CHN2: variants seen among roughly 807,000 people sequenced by gnomAD.
CHN2 encodes chimerin 2.
In CHN2, 35 loss-of-function variants were observed where a neutral mutation model predicts 56.3. The observed-to-expected ratio is 0.62, with a 90% CI of 0.47 to 0.82. The LOEUF is 0.82. Ranked by LOEUF, CHN2 falls within the 40% of genes least tolerant of loss-of-function variation. The pLI, the probability that CHN2 is intolerant of heterozygous loss-of-function variation, is 0.00. For missense variants in CHN2, 491 were observed against 580.5 expected, an observed-to-expected ratio of 0.85 and a Z score of 1.58; for synonymous variants, 210 against 212.8, an observed-to-expected ratio of 0.99 and a Z score of 0.12.
chr7:29,318,712 A>G (rs1795132451), intron 1 of CHN2, among the ~76,000 whole-genome samples: 1 of 152,156 alleles, frequency 6.6e-6, no homozygotes, highest in Non-Finnish European at 1.5e-5. Context: ...AACTTGTACT[A>G]GTTCAGTGAA....
At chr7:29,308,532 C>T (rs1315206520) in intron 1 of CHN2, among the ~76,000 whole-genome samples, 1 of 152,138 alleles carries the variant, frequency 6.6e-6, no homozygotes, top group Non-Finnish European at 1.5e-5. Flanking sequence ...ACCAACCATT[C>T]CAGCTTGTGA....
intron 1 of CHN2, among the ~76,000 whole-genome samples, chr7:29,255,361 GT>G (rs1938808717): frequency 6.6e-6 from 1 of 152,168 alleles, no homozygotes; most frequent in African/African-American, 2.4e-5. Context: ...CCTGGCCCAT[GT>G]GACCCCCAGC....
chr7:29,228,884 C>T (rs965438510), intron 1 of CHN2, among the ~76,000 whole-genome samples: 3 of 152,240 alleles, frequency 2.0e-5, no homozygotes, highest in Non-Finnish European at 2.9e-5. Flanking sequence ...TGGCGCTGCA[C>T]CGCCCTCCTT....
chr7:29,404,658 G>A (rs1397967276), intron 6 of CHN2, among the ~76,000 whole-genome samples: 1 of 152,164 alleles, frequency 6.6e-6, no homozygotes, highest in African/African-American at 2.4e-5. Flanking sequence ...GCAGTGTGGT[G>A]TGTGGAGTAT....
intron 1 of CHN2, among the ~76,000 whole-genome samples, chr7:29,325,549 C>G (rs1001274175): frequency 6.6e-6 from 1 of 152,170 alleles, no homozygotes; most frequent in Admixed American, 6.5e-5. Flanking sequence ...AAAGTTCTTT[C>G]AAATGTTACT....
At chr7:29,401,299 C>A (rs976877702) in intron 6 of CHN2, 1 of 155,492 alleles carries the variant, frequency 6.4e-6, no homozygotes, top group East Asian at 1.9e-4. Context: ...GGTCAGCCCC[C>A]TCATTTTACA....
chr7:29,378,693 C>A (rs1446201603), intron 3 of CHN2, among the ~76,000 whole-genome samples: 1 of 152,194 alleles, frequency 6.6e-6, no homozygotes, highest in East Asian at 1.9e-4. Flanking sequence ...AGGCCACGCG[C>A]GGTGGCTCAT....
intron 3 of CHN2, among the ~76,000 whole-genome samples, chr7:29,386,052 T>C (rs1488133370): frequency 6.6e-6 from 1 of 152,134 alleles, no homozygotes; most frequent in East Asian, 1.9e-4. Context: ...CAGGAAGGAA[T>C]TCACCTCATC....
At chr7:29,485,965 G>GGCCC (rs906962484) in intron 7 of CHN2, among the ~76,000 whole-genome samples, 1 of 152,094 alleles carries the variant, frequency 6.6e-6, no homozygotes. Flanking sequence ...GGAGAGCAGA[G>GGCCC]GCCCAGAAAG....
At chr7:29,205,753 C>A (rs1407807685) in intron 1 of CHN2, among the ~76,000 whole-genome samples, 1 of 152,120 alleles carries the variant, frequency 6.6e-6, no homozygotes, top group African/African-American at 2.4e-5. Flanking sequence ...TTTAAATTAG[C>A]TCAGTCAATC....
chr7:29,365,193 C>T (rs957301338), intron 2 of CHN2, among the ~76,000 whole-genome samples: 1 of 152,168 alleles, frequency 6.6e-6, no homozygotes, highest in Non-Finnish European at 1.5e-5. Flanking sequence ...CCCTGCCAGC[C>T]CTGTACTTAC....
chr7:29,315,030 G>C (rs1016339877), intron 1 of CHN2, among the ~76,000 whole-genome samples: 1 of 152,032 alleles, frequency 6.6e-6, no homozygotes, highest in Non-Finnish European at 1.5e-5. Flanking sequence ...TAACCTTACT[G>C]TAATTTAGTA....
At chr7:29,191,645 A>G (rs935304659), upstream of CHN2, 13 of 152,264 alleles carry the variant, frequency 8.5e-5, no homozygotes, top group Non-Finnish European at 1.3e-4. Flanking sequence ...CGTTTATCCC[A>G]TAAGTCTTTT....
rs75186325 is a variant in CHN2, at chr7:29,291,261, A to G, written c.50-63364A>G. On this transcript the variant is annotated intron_variant, in intron 1 of 12. Transcript: ENST00000222792. ...TGAGAAGCAGCTGATCACCAGTTTC[A>G]GGTGTTTTCTATCTATTGGGAGCCA... Among the ~76,000 whole-genome samples, 5 of 152,120 alleles carry G rather than the reference A, an allele frequency of 3.3e-5. No homozygotes were observed. In the East Asian group the frequency reaches 7.7e-4, roughly 24 times the overall value.
At chr7:29,410,134 T>A (rs1373326489) in intron 6 of CHN2, among the ~76,000 whole-genome samples, 1 of 152,232 alleles carries the variant, frequency 6.6e-6, no homozygotes, top group Admixed American at 6.5e-5. Context: ...GTTTTTAATT[T>A]CATCGAGGCT....
chr7:29,245,048 C>G (rs1007634159), intron 1 of CHN2, among the ~76,000 whole-genome samples: 1 of 152,164 alleles, frequency 6.6e-6, no homozygotes, highest in African/African-American at 2.4e-5. Context: ...TTTCCTGTAT[C>G]GATTTCTTCA....
At chr7:29,496,068 T>G in intron 8 of CHN2, 32 bp downstream of exon 8, 1 of 1,547,352 alleles carries the variant, frequency 6.5e-7, no homozygotes, top group Non-Finnish European at 8.9e-7. Flanking sequence ...TTTCCAATTA[T>G]ATGAAATGCC....
At chr7:29,184,293 G>A (rs1476470882) in intron 2 of CHN2, 1 of 150,676 alleles carries the variant, frequency 6.6e-6, no homozygotes, top group African/African-American at 2.4e-5. Flanking sequence ...TATATATTTA[G>A]GAATATTATA....
At chr7:29,163,746 A>G (rs1421691750) in intron 2 of CHN2, among the ~76,000 whole-genome samples, 1 of 152,182 alleles carries the variant, frequency 6.6e-6, no homozygotes, top group Non-Finnish European at 1.5e-5. Flanking sequence ...CCATTACTAT[A>G]GATTAGCTTG....
Sources: gnomAD v4.1 joint callset for allele counts (sites outside exome capture counted in the v4.1 genomes callset) on GRCh38, gnomAD v4.1.1 for gene constraint, MANE v1.5 for transcripts, NCBI Gene and HGNC (gene_info 2026-07-23, HGNC 2026-07-21) for gene names.